The following DIP2B variants were observed in gnomAD, a reference collection of about 807,000 sequenced individuals.
The protein encoded by DIP2B is disco-interacting protein 2 homolog B.
Under a neutral mutation model 198.0 loss-of-function variants are expected in DIP2B, and 76 were observed. The observed-to-expected ratio is 0.38, with a 90% confidence interval of 0.32 to 0.46. The LOEUF (loss-of-function observed/expected upper bound fraction) is 0.46, where lower values mean the gene tolerates loss of function less well. Ranked by LOEUF, DIP2B falls within the 20% of genes least tolerant of loss-of-function variation. The probability of loss-of-function intolerance (pLI) is 0.99; values close to 1 mark genes in which losing one functional copy is unlikely to be tolerated. For synonymous variants in DIP2B, 701 were observed against 739.1 expected (o/e 0.95, Z 0.84); for missense variants, 1,559 against 1,978.4 (o/e 0.79, Z 4.02).
chr12:50,708,589 G>A (rs1347638129), intron 22 of DIP2B, 27 bp downstream of exon 22: 3 of 1,548,332 alleles, frequency 1.9e-6, no homozygotes, highest in Middle Eastern at 3.5e-4. Context: ...GTCTGTGTCA[G>A]GTCAGCGGTG....
rs1412936826 is a variant in DIP2B, at chr12:50,505,110, T to C, written c.-31T>C. 1 of 1,526,864 alleles carries C rather than the reference T, an allele frequency of 6.5e-7. No homozygotes were observed. Among genetic ancestry groups the C allele is most frequent in the South Asian group, 1.2e-5 (1 of 83,698 alleles). 94.6% of individuals were successfully genotyped at this position (1,526,864 alleles called of 1,614,324 possible). On this transcript the variant is annotated 5_prime_UTR_variant, in exon 1 of 38. Transcript: ENST00000301180. ...CCGTCCCTCCTTCGGCCCCCTCTCT[T>C]GTCTTCCGGAGTGTGGCTGGCGGAG...
chr12:50,514,542 C>G (rs1958047308), intron 1 of DIP2B, among the ~76,000 whole-genome samples: 1 of 152,196 alleles, frequency 6.6e-6, no homozygotes. Context: ...TTACTCTCAT[C>G]TCTTCTCTTT....
intron 16 of DIP2B, among the ~76,000 whole-genome samples, chr12:50,696,496 C>T (rs981874908): frequency 6.6e-5 from 10 of 152,112 alleles, no homozygotes; most frequent in Non-Finnish European, 1.5e-4. Context: ...CATGTATAAC[C>T]TCTTTCTATC....
In DIP2B at chr12:50,703,993, A is replaced by G; in HGVS notation, c.2326-147A>G. On this transcript the variant is annotated intron_variant, in intron 19 of 37. Coordinates refer to ENST00000301180, the MANE Select transcript of DIP2B (RefSeq NM_173602.3). ...GAGAGGTAAACAATAAATTGTAATT[A>G]TTTCTTATCTCTAAAGGGATGGAAT... The G allele has an allele frequency of 9.7e-6, 5 of 512,902 alleles. No homozygotes were observed. In the South Asian group the frequency reaches 9.8e-5, roughly 10 times the overall value. 31.8% of individuals were successfully genotyped at this position (512,902 alleles called of 1,614,324 possible).
At chr12:50,714,300 AG>A (rs1939672853) in intron 22 of DIP2B, 94 bp from the exon 23 acceptor site, 2 of 1,422,218 alleles carry the variant, frequency 1.4e-6, no homozygotes. Context: ...GGGTAGAGTA[AG>A]AAAAATTGTA....
At chr12:50,613,551 C>T (rs76490561) in intron 1 of DIP2B, among the ~76,000 whole-genome samples, 2,685 of 152,240 alleles carry the variant, frequency 0.018, 90 homozygotes, top group African/African-American at 0.062. Flanking sequence ...TTGATACATC[C>T]TGACAAACAC....
intron 2 of DIP2B, among the ~76,000 whole-genome samples, chr12:50,635,043 C>G (rs1469800309): frequency 1.3e-5 from 2 of 152,184 alleles, no homozygotes. Context: ...TATCAATTCT[C>G]AAATGATATT....
At chr12:50,522,820 T>A (rs1958132522) in intron 1 of DIP2B, among the ~76,000 whole-genome samples, 3 of 152,182 alleles carry the variant, frequency 2.0e-5, no homozygotes, top group Non-Finnish European at 4.4e-5. Flanking sequence ...TCCCAGTGAT[T>A]TCAGCAGAAC....
intron 2 of DIP2B, among the ~76,000 whole-genome samples, chr12:50,626,317 A>G (rs574570706): frequency 6.6e-6 from 1 of 152,362 alleles, no homozygotes; most frequent in South Asian, 2.1e-4. Flanking sequence ...AGATGATTCC[A>G]TGGCAGAAAA....
chr12:50,690,365 C>T lies in DIP2B; in HGVS notation c.1552-684C>T, dbSNP rs180929145. Reference sequence around the variant, plus strand: ...CCTCCCAAAGTTCTGGGATTACAGGCGTGAGCCACCGCACCCAGCCAAAAT... The same window carrying T: ...CCTCCCAAAGTTCTGGGATTACAGGTGTGAGCCACCGCACCCAGCCAAAAT... On this transcript the variant is annotated intron_variant, in intron 12 of 37. Transcript: ENST00000301180. 6.4e-3 allele frequency among the ~76,000 whole-genome samples: 973 copies of T among 152,240 alleles called. 5 individuals carry two copies. Among genetic ancestry groups the T allele is most frequent in the Non-Finnish European group, 0.01 (704 of 68,016 alleles).
At position 50,680,697 on chromosome 12, in the gene DIP2B, G is replaced by T. The variant is rs1211357068; in HGVS notation, c.1140G>T (p.Lys380Asn). 1 of 1,611,950 alleles carries T rather than the reference G, an allele frequency of 6.2e-7. No individual in the cohort carries two copies. The highest frequency in any genetic ancestry group is 8.5e-7 in the Non-Finnish European group (1 of 1,179,070). Residue 380 changes from lysine (K) to asparagine (N), a missense_variant, in exon 9 of 38, where the codon AAG becomes AAT. Transcript: ENST00000301180. ...GAAAGTTGTGGAGCAGAAGTTTAAA[G>T]TTGGCCTACACACTTCTTAATAAAC... ...TYGKLWSRSL[K>N]LAYTLLNKLG... is the part of the protein sequence containing the mutation.
At chr12:50,516,850 C>G (rs1218142727) in intron 1 of DIP2B, among the ~76,000 whole-genome samples, 2 of 151,518 alleles carry the variant, frequency 1.3e-5, no homozygotes, top group African/African-American at 4.8e-5. Flanking sequence ...TGGCGGGTGC[C>G]TGTAATCCCA....
chr12:50,649,930 C>T (rs898302937), intron 3 of DIP2B, among the ~76,000 whole-genome samples: 3 of 151,914 alleles, frequency 2.0e-5, no homozygotes, highest in Admixed American at 6.6e-5. Flanking sequence ...CAAACGAGCC[C>T]GTGCACTGTG....
rs114922810 is a variant in DIP2B at position 50,705,695 on chromosome 12, C to T, written c.2407-843C>T. Among the ~76,000 whole-genome samples the T allele has an allele frequency of 2.0e-3, 299 of 152,338 alleles. 1 individual carries two copies. Among genetic ancestry groups the T allele is most frequent in the African/African-American group, 6.8e-3 (281 of 41,568 alleles). On this transcript the variant is annotated intron_variant, in intron 20 of 37. Coordinates refer to ENST00000301180, the MANE Select transcript of DIP2B (RefSeq NM_173602.3). ...TCTCATTCTCTTACCAACACTGTGG[C>T]TTTTCAGCCTTTGTTGGAAATGGCT...
Position 50,645,669 on chromosome 12 carries a change from C to T in DIP2B, c.301+4817C>T, listed in dbSNP as rs906931598. Among the ~76,000 whole-genome samples, 8 of 152,066 alleles carry T rather than the reference C, an allele frequency of 5.3e-5. No individual in the cohort carries two copies. In the South Asian group the frequency reaches 1.2e-3, roughly 24 times the overall value. ...AGATGGGATCTCACTTTGTTGCCCACGCTGGTGTCGAACTCCTGGTTTTAA... is the reference window on the plus strand; with the variant it reads ...AGATGGGATCTCACTTTGTTGCCCATGCTGGTGTCGAACTCCTGGTTTTAA... On this transcript the variant is annotated intron_variant, in intron 3 of 37. Coordinates refer to ENST00000301180, the MANE Select transcript of DIP2B (RefSeq NM_173602.3).
In DIP2B at chr12:50,631,529, T is replaced by G. The variant is rs544174752; in HGVS notation, c.172+5482T>G. Among the ~76,000 whole-genome samples, 227 of 152,266 alleles carry G rather than the reference T, an allele frequency of 1.5e-3. 1 individual carries two copies. The highest frequency in any genetic ancestry group is 2.7e-3 in the Non-Finnish European group (184 of 68,016). ...CATGAGCCACCGTGCCCGGCCCTGA[T>G]TCAAGCGATTCTTGTGCCTCAGCTT... On this transcript the variant is annotated intron_variant, in intron 2 of 37. Transcript: ENST00000301180.
intron 1 of DIP2B, among the ~76,000 whole-genome samples, chr12:50,546,962 T>C (rs188189813): frequency 3.7e-4 from 56 of 152,338 alleles, no homozygotes; most frequent in Admixed American, 3.6e-3. Flanking sequence ...TCTATTTGGC[T>C]GTATTTACTA....
intron 1 of DIP2B, among the ~76,000 whole-genome samples, chr12:50,506,248 C>T (rs1957967632): frequency 1.3e-5 from 2 of 152,128 alleles, no homozygotes; most frequent in Non-Finnish European, 2.9e-5. Context: ...ATTGTGTCTC[C>T]AGAGTTGCAT....
intron 33 of DIP2B, 141 bp from the exon 34 acceptor site, chr12:50,734,932 A>G: frequency 2.1e-6 from 2 of 967,524 alleles, no homozygotes; most frequent in East Asian, 2.5e-5. Flanking sequence ...AAATGTTAGT[A>G]GTGCTGAGTT....
Sources: allele counts gnomAD v4.1 joint callset (sites outside exome capture counted in the v4.1 genomes callset), GRCh38; gene constraint gnomAD v4.1.1; transcripts MANE v1.5; gene names NCBI Gene and HGNC (gene_info 2026-07-23, HGNC 2026-07-21).